The following INPP5F variants were observed in gnomAD, a reference collection of about 807,000 sequenced individuals.
INPP5F encodes inositol polyphosphate-5-phosphatase F.
In INPP5F, 97 loss-of-function variants were observed where a neutral mutation model predicts 137.2. That is an observed-to-expected ratio of 0.71 (90% confidence interval 0.60 to 0.84). INPP5F has a LOEUF of 0.84. Ranked by LOEUF, INPP5F falls within the 40% of genes least tolerant of loss-of-function variation. INPP5F has a pLI of 0.00. For synonymous variants in INPP5F, 504 were observed against 476.9 expected (o/e 1.06, Z -0.74); for missense variants, 1,271 against 1,371.9 (o/e 0.93, Z 1.16).
chr10:119,766,381 C>T (rs917122529), intron 2 of INPP5F, among the ~76,000 whole-genome samples: 3 of 152,132 alleles, frequency 2.0e-5, no homozygotes, highest in African/African-American at 4.8e-5. Context: ...GGGTCATTTA[C>T]GGATATTTCA....
rs2134121154 is a variant in INPP5F at position 119,748,935 on chromosome 10, CT to C, written c.98-2140del. Among the ~76,000 whole-genome samples the C allele has an allele frequency of 6.6e-6, 1 of 152,310 alleles. No homozygotes were observed. Among genetic ancestry groups the C allele is most frequent in the East Asian group, 1.9e-4 (1 of 5,178 alleles). On this transcript the variant is annotated intron_variant, in intron 1 of 19. Transcript: ENST00000650623. The surrounding 1 kb of genome is among the most constrained non-coding windows in gnomAD (Gnocchi z 4.7). ...CCAGGCTGTTTGGGCTGAGGGGTGC[CT>C]GCAGGCCCACTTGGAGCTGCCCTCA... is the stretch of plus-strand genomic sequence containing the variant.
intron 1 of INPP5F, among the ~76,000 whole-genome samples, chr10:119,737,345 A>G (rs1464800005): frequency 6.6e-6 from 1 of 152,202 alleles, no homozygotes; most frequent in Non-Finnish European, 1.5e-5. Flanking sequence ...AGACCAAGTT[A>G]CTAATACAGG....
chr10:119,807,874 T>G, intron 12 of INPP5F, 58 bp from the exon 13 acceptor site: 1 of 1,495,690 alleles, frequency 6.7e-7, no homozygotes, highest in Non-Finnish European at 9.0e-7. Flanking sequence ...GCAGTACACA[T>G]TTTTTGCTAT....
chr10:119,775,178 T>A (rs1849482996), intron 2 of INPP5F, among the ~76,000 whole-genome samples: 1 of 152,104 alleles, frequency 6.6e-6, no homozygotes, highest in Admixed American at 6.5e-5. Context: ...CAAAGAAAAA[T>A]TTTATATATT....
At chr10:119,793,217 G>A (rs1030265419) in intron 6 of INPP5F, among the ~76,000 whole-genome samples, 6 of 152,136 alleles carry the variant, frequency 3.9e-5, no homozygotes, top group Non-Finnish European at 5.9e-5. Flanking sequence ...ACTTGAAGTC[G>A]TCATATTCAA....
At chr10:119,786,053 T>C (rs1465643843) in intron 3 of INPP5F, among the ~76,000 whole-genome samples, 2 of 152,234 alleles carry the variant, frequency 1.3e-5, no homozygotes, top group Non-Finnish European at 2.9e-5. Flanking sequence ...GTATTTAGTT[T>C]CCATCAGACA....
At chr10:119,726,644 G>A (rs1256453549) in intron 1 of INPP5F, among the ~76,000 whole-genome samples, 1 of 152,212 alleles carries the variant, frequency 6.6e-6, no homozygotes, top group Non-Finnish European at 1.5e-5. Context: ...GGCCCAGGCC[G>A]AGGGGAGGGG....
intron 1 of INPP5F, 44 bp from the exon 2 acceptor site, chr10:119,751,032 T>A: frequency 8.3e-7 from 1 of 1,202,016 alleles, no homozygotes; most frequent in Non-Finnish European, 1.2e-6. Flanking sequence ...TTAATATATT[T>A]TCTGGTGAAT....
chr10:119,774,145 T>C (rs1849445582), intron 2 of INPP5F, among the ~76,000 whole-genome samples: 2 of 150,848 alleles, frequency 1.3e-5, no homozygotes, highest in African/African-American at 4.9e-5. Flanking sequence ...GCCTGTAGTC[T>C]CAGCTACTCG....
At chr10:119,749,018 G>GCGGCAGGGAGCTGGTGTGA (rs1848618109) in intron 1 of INPP5F, among the ~76,000 whole-genome samples, 1 of 152,206 alleles carries the variant, frequency 6.6e-6, no homozygotes, top group East Asian at 1.9e-4. Flanking sequence ...GGGGGCTGAG[G>GCGGCAGGGAGCTGGTGTGA]CGGCAGGGAG....
intron 2 of INPP5F, among the ~76,000 whole-genome samples, chr10:119,771,987 C>T (rs1466463062): frequency 7.0e-6 from 1 of 143,608 alleles, no homozygotes; most frequent in African/African-American, 2.6e-5. Context: ...GCTCCATCTC[C>T]CGGGTTCACA....
intron 1 of INPP5F, among the ~76,000 whole-genome samples, chr10:119,744,811 G>T (rs927755695): frequency 1.3e-5 from 2 of 152,138 alleles, no homozygotes; most frequent in Non-Finnish European, 2.9e-5. Context: ...CTCGTAAAAT[G>T]CTGGGATTAC....
At chr10:119,786,756 C>T (rs909227115) in intron 3 of INPP5F, among the ~76,000 whole-genome samples, 18 of 151,996 alleles carry the variant, frequency 1.2e-4, no homozygotes, top group African/African-American at 4.1e-4. Context: ...TGGGCTTAAG[C>T]AATCTGCCTA....
intron 15 of INPP5F, among the ~76,000 whole-genome samples, chr10:119,818,476 C>T (rs900234373): frequency 2.6e-5 from 4 of 152,232 alleles, no homozygotes; most frequent in East Asian, 1.9e-4. Context: ...CCCGCCAGCG[C>T]CCCCCTCCAG....
At chr10:119,821,720 C>T (rs539486378) in intron 16 of INPP5F, among the ~76,000 whole-genome samples, 1,267 of 120,810 alleles carry the variant, frequency 0.01, 16 homozygotes, top group Non-Finnish European at 9.9e-3. Flanking sequence ...CTCTCCCTCC[C>T]TTCATCTCTG....
At position 119,820,910 on chromosome 10, in the gene INPP5F, G is replaced by T. The variant is rs372551193; in HGVS notation, c.1951G>T (p.Val651Leu). 1 of 1,598,188 alleles carries T rather than the reference G, an allele frequency of 6.3e-7. No homozygotes were observed. Among genetic ancestry groups the T allele is most frequent in the South Asian group, 1.1e-5 (1 of 90,716 alleles). ...LLLLSNSAYY[V>L]AYYDDEVDKV... is the part of the protein sequence containing the mutation. ...ACTGCTTTCTAACTCTGCCTACTACGTGGCCTAGTAAGTTGCTTATTGATT... is the reference window on the plus strand; with the variant it reads ...ACTGCTTTCTAACTCTGCCTACTACTTGGCCTAGTAAGTTGCTTATTGATT... The change falls in exon 16 of 20, where the codon GTG becomes TTG. Residue 651 changes from valine to leucine, a missense_variant. Transcript: ENST00000650623.
intron 2 of INPP5F, among the ~76,000 whole-genome samples, chr10:119,772,591 G>A (rs964645891): frequency 6.6e-6 from 1 of 152,026 alleles, no homozygotes; most frequent in African/African-American, 2.4e-5. Context: ...TCATGCTTCC[G>A]AAGGTCCTTC....
chr10:119,802,869 G>A (rs373319290), intron 9 of INPP5F, among the ~76,000 whole-genome samples: 7 of 152,098 alleles, frequency 4.6e-5, no homozygotes, highest in African/African-American at 9.7e-5. Context: ...TGACCAGTGC[G>A]GTCTGTGTTT....
intron 14 of INPP5F, 29 bp downstream of exon 14, chr10:119,810,246 C>T (rs781716518): frequency 8.3e-7 from 1 of 1,208,162 alleles, no homozygotes; most frequent in Non-Finnish European, 1.2e-6. Flanking sequence ...TTTCTTTCCT[C>T]AAAATTTATG....
Sources: gnomAD v4.1 joint callset for allele counts (sites outside exome capture counted in the v4.1 genomes callset) on GRCh38, gnomAD v4.1.1 for gene constraint, Gnocchi (gnomAD v3.1) non-coding constraint, MANE v1.5 for transcripts, NCBI Gene and HGNC (gene_info 2026-07-23, HGNC 2026-07-21) for gene names.